SLC4A10: variants seen among roughly 807,000 people sequenced by gnomAD.
SLC4A10 encodes sodium-driven chloride bicarbonate exchanger.
A neutral mutation model predicts 137.7 loss-of-function variants in SLC4A10; 42 were observed. That is an observed-to-expected ratio of 0.30 (90% CI 0.24 to 0.39). The LOEUF (loss-of-function observed/expected upper bound fraction) is 0.39. Ranked by LOEUF, SLC4A10 falls within the 10% of genes least tolerant of loss-of-function variation. The pLI is 1.00. For missense variants in SLC4A10, 925 were observed against 1,355.0 expected (o/e 0.68, Z 4.98); for synonymous variants, 474 against 464.1 (o/e 1.02, Z -0.27).
intron 1 of SLC4A10, among the ~76,000 whole-genome samples, chr2:161,632,937 A>C (rs1361369395): frequency 2.0e-5 from 3 of 151,656 alleles, no homozygotes; most frequent in Non-Finnish European, 4.4e-5. Flanking sequence ...TGGGCTAGAA[A>C]ATTAAGTGCT....
chr2:161,688,310 G>A (rs756727003), intron 1 of SLC4A10, among the ~76,000 whole-genome samples: 4 of 152,086 alleles, frequency 2.6e-5, no homozygotes, highest in Non-Finnish European at 4.4e-5. Flanking sequence ...ATAACCTCTT[G>A]CCATCTCTTA....
At chr2:161,942,973 T>TA (rs1250173617) in intron 16 of SLC4A10, 76 bp downstream of exon 16, 33 of 1,201,104 alleles carry the variant, frequency 2.7e-5, no homozygotes, top group Non-Finnish European at 3.8e-5. Flanking sequence ...GCCATTACAG[T>TA]AAAATTTTTT....
chr2:161,853,273 T>C (rs980991890), intron 4 of SLC4A10, among the ~76,000 whole-genome samples: 2 of 152,172 alleles, frequency 1.3e-5, no homozygotes, highest in African/African-American at 4.8e-5. Context: ...CCATCATGAA[T>C]CATTGGGGTT....
chr2:161,854,653 T>C (rs1054826786), intron 4 of SLC4A10, among the ~76,000 whole-genome samples: 7 of 152,236 alleles, frequency 4.6e-5, no homozygotes, highest in African/African-American at 1.7e-4. Context: ...ATACACTCTT[T>C]ATTAGTGCTA....
chr2:161,626,393 C>A (rs1487620209), intron 1 of SLC4A10, among the ~76,000 whole-genome samples: 5 of 152,212 alleles, frequency 3.3e-5, no homozygotes, highest in African/African-American at 1.2e-4. Context: ...ACAAGTCTTT[C>A]CTGAAAAGAA....
chr2:161,708,936 ACTTTC>A, intron 1 of SLC4A10: 29 of 1,283,534 alleles, frequency 2.3e-5, no homozygotes, highest in Non-Finnish European at 3.0e-5. Flanking sequence ...TTATTGTCAG[ACTTTC>A]CTTAGGATAT....
chr2:161,800,056 G>A (rs1399030048), intron 2 of SLC4A10, among the ~76,000 whole-genome samples: 1 of 151,982 alleles, frequency 6.6e-6, no homozygotes, highest in Admixed American at 6.6e-5. Flanking sequence ...AGTAGCTCTG[G>A]GATTTTGTTC....
At chr2:161,898,931 C>T (rs2063803224) in intron 11 of SLC4A10, among the ~76,000 whole-genome samples, 1 of 152,138 alleles carries the variant, frequency 6.6e-6, no homozygotes. Flanking sequence ...CACTTGATGA[C>T]TATTTCACAC....
chr2:161,766,422 C>T (rs926982611), intron 1 of SLC4A10, among the ~76,000 whole-genome samples: 1 of 152,072 alleles, frequency 6.6e-6, no homozygotes, highest in African/African-American at 2.4e-5. Flanking sequence ...AAACGTTTCA[C>T]TGCTTAGGGG....
Position 161,879,185 on chromosome 2 carries a change from T to C in SLC4A10, c.1003T>C (p.Leu335=), listed in dbSNP as rs2061605286. 6.2e-7 allele frequency: 1 copy of C among 1,613,432 alleles called. No individual in the cohort carries two copies. The change falls in exon 9 of 27, where the codon TTA becomes CTA. Residue 335 remains leucine, a synonymous_variant. Transcript: ENST00000446997. ...TCCAGGTGCTGAAGCATCGAACATC[T>C]TAGTGGGAGAACTGGAGTTCTTGGA... ...IPPGAEASNI[L]VGELEFLDRT...
intron 1 of SLC4A10, among the ~76,000 whole-genome samples, chr2:161,724,886 A>C (rs1185533659): frequency 2.6e-5 from 4 of 152,126 alleles, no homozygotes; most frequent in Non-Finnish European, 1.5e-5. Flanking sequence ...TCCAGGATTT[A>C]CCTTAGTTGA....
chr2:161,859,594 C>CTTTTTTTTTT (rs72003642), intron 5 of SLC4A10, among the ~76,000 whole-genome samples: 309 of 47,308 alleles, frequency 6.5e-3, no homozygotes, highest in Non-Finnish European at 8.5e-3. Flanking sequence ...CTTTTCTTTT[C>CTTTTTTTTTT]TTTTTTTTTT....
At chr2:161,866,401 G>A (rs905220204) in intron 6 of SLC4A10, among the ~76,000 whole-genome samples, 15 of 151,926 alleles carry the variant, frequency 9.9e-5, no homozygotes, top group African/African-American at 3.6e-4. Context: ...TCACTCGTTT[G>A]AATAATTTTT....
chr2:161,859,733 T>C (rs1232201327), intron 5 of SLC4A10, among the ~76,000 whole-genome samples: 1 of 151,366 alleles, frequency 6.6e-6, no homozygotes, highest in Non-Finnish European at 1.5e-5. Context: ...CCCGAGTCGC[T>C]GGGACTACAG....
intron 19 of SLC4A10, among the ~76,000 whole-genome samples, chr2:161,953,008 G>A (rs1471624848): frequency 6.6e-6 from 1 of 152,144 alleles, no homozygotes; most frequent in Non-Finnish European, 1.5e-5. Flanking sequence ...CAGACCACAA[G>A]CTAACCACTT....
chr2:161,689,413 A>C (rs969186571), intron 1 of SLC4A10, among the ~76,000 whole-genome samples: 2 of 152,154 alleles, frequency 1.3e-5, no homozygotes, highest in African/African-American at 4.8e-5. Flanking sequence ...GTTTGGATTC[A>C]CAAATACTTA....
rs145717609 is a variant in SLC4A10 at position 161,917,774 on chromosome 2, A to C, written c.1997+11887A>C. On this transcript the variant is annotated intron_variant, in intron 15 of 26. Coordinates refer to ENST00000446997, the MANE Select transcript of SLC4A10 (RefSeq NM_001178015.2). ...TATTATCTCTCTCCTCTCTAGAGTGAAGGGATCATTAGGGTAGGGAATTTA... is the reference window on the plus strand; with the variant it reads ...TATTATCTCTCTCCTCTCTAGAGTGCAGGGATCATTAGGGTAGGGAATTTA... Among the ~76,000 whole-genome samples, 13 of 152,284 alleles carry C rather than the reference A, an allele frequency of 8.5e-5. No homozygotes were observed. The East Asian group carries it at 2.5e-3, about 29-fold the overall frequency.
At chr2:161,857,872 T>A (rs2060194189) in intron 5 of SLC4A10, among the ~76,000 whole-genome samples, 1 of 152,194 alleles carries the variant, frequency 6.6e-6, no homozygotes, top group African/African-American at 2.4e-5. Flanking sequence ...ATAATTTTTT[T>A]ATTAACCTAT....
At chr2:161,965,692 G>A (rs1050976397) in intron 23 of SLC4A10, among the ~76,000 whole-genome samples, 2 of 152,140 alleles carry the variant, frequency 1.3e-5, no homozygotes, top group Admixed American at 1.3e-4. Flanking sequence ...AGTGATTTAA[G>A]ATTGAGTAGA....
Sources: allele counts gnomAD v4.1 joint callset (sites outside exome capture counted in the v4.1 genomes callset), GRCh38; gene constraint gnomAD v4.1.1; transcripts MANE v1.5; gene names NCBI Gene and HGNC (gene_info 2026-07-23, HGNC 2026-07-21).